Variants in RYR2 observed in about 807,000 individuals in gnomAD.
RYR2 encodes cardiac muscle ryanodine receptor-calcium release channel.
A neutral mutation model predicts 601.1 loss-of-function variants in RYR2; 227 were observed. The observed-to-expected ratio is 0.38, with a 90% CI of 0.34 to 0.42. RYR2 has a LOEUF of 0.42. RYR2 is among the 10% of genes least tolerant of loss of function. RYR2 has a pLI of 1.00. For missense variants in RYR2, 4,646 were observed against 6,156.5 expected, an observed-to-expected ratio of 0.75 and a Z score of 8.21; for synonymous variants, 2,223 against 2,175.1, an observed-to-expected ratio of 1.02 and a Z score of -0.61.
Position 237,225,416 on chromosome 1 carries a change from G to A in RYR2, c.49-45081G>A, listed in dbSNP as rs755586329. Among the ~76,000 whole-genome samples, 7 of 152,242 alleles carry A rather than the reference G, an allele frequency of 4.6e-5. 1 individual carries two copies. Among genetic ancestry groups the A allele is most frequent in the South Asian group, 4.2e-4 (2 of 4,818 alleles). On this transcript the variant is annotated intron_variant, in intron 1 of 104. Transcript: ENST00000366574. ...GGGCGAAAGGCACGTCTTACATGGCGGCAGACAAGAGAGAATGAGGGTGAA... is the reference window on the plus strand; with the variant it reads ...GGGCGAAAGGCACGTCTTACATGGCAGCAGACAAGAGAGAATGAGGGTGAA...
At chr1:237,613,588 G>T (rs1334766137) in intron 36 of RYR2, among the ~76,000 whole-genome samples, 1 of 152,144 alleles carries the variant, frequency 6.6e-6, no homozygotes, top group Non-Finnish European at 1.5e-5. Context: ...GGTGCTAGAT[G>T]AATGTCAAAT....
At chr1:237,636,387 C>G (rs1680873988) in intron 44 of RYR2, among the ~76,000 whole-genome samples, 1 of 152,150 alleles carries the variant, frequency 6.6e-6, no homozygotes, top group Non-Finnish European at 1.5e-5. Flanking sequence ...TCCCCAAATC[C>G]TCCTGACATA....
chr1:237,690,280 G>T (rs1686823974), intron 63 of RYR2, among the ~76,000 whole-genome samples: 1 of 152,140 alleles, frequency 6.6e-6, no homozygotes, highest in Admixed American at 6.5e-5. Flanking sequence ...CTAGTTGTAA[G>T]TCCTATTTTT....
intron 19 of RYR2, among the ~76,000 whole-genome samples, chr1:237,493,507 C>T (rs1348481953): frequency 1.3e-5 from 2 of 152,094 alleles, no homozygotes; most frequent in Non-Finnish European, 2.9e-5. Flanking sequence ...GGCTGGAGTG[C>T]AGTGGCACGA....
intron 1 of RYR2, among the ~76,000 whole-genome samples, chr1:237,131,845 A>G (rs1271141294): frequency 5.3e-5 from 8 of 151,454 alleles, no homozygotes; most frequent in Non-Finnish European, 7.4e-5. Flanking sequence ...CTCAGCCTCC[A>G]GAGTAGCTGG....
chr1:237,493,970 T>G (rs925870884), intron 19 of RYR2, among the ~76,000 whole-genome samples: 2 of 152,262 alleles, frequency 1.3e-5, no homozygotes, highest in Admixed American at 1.3e-4. Context: ...ACCATGATGA[T>G]TCACATTTTA....
intron 47 of RYR2, among the ~76,000 whole-genome samples, chr1:237,642,243 T>A (rs1278394076): frequency 6.6e-6 from 1 of 152,330 alleles, no homozygotes; most frequent in Middle Eastern, 3.4e-3. Flanking sequence ...AGGTTAAAAC[T>A]TCCTTGATGT....
At chr1:237,406,867 A>C (rs1703958157) in intron 10 of RYR2, among the ~76,000 whole-genome samples, 1 of 152,118 alleles carries the variant, frequency 6.6e-6, no homozygotes, top group South Asian at 2.1e-4. Flanking sequence ...CATTATTCTT[A>C]ATTCTCTAAA....
Position 237,262,004 on chromosome 1 carries a change from A to G in RYR2, c.49-8493A>G, listed in dbSNP as rs185150243. On this transcript the variant is annotated intron_variant, in intron 1 of 104. Transcript: ENST00000366574. Reference sequence around the variant, plus strand: ...GGATCTTTTGTTTATTAGGCAATTTAGCTCTTATAATATTTCCTAGCATGT... The same window carrying G: ...GGATCTTTTGTTTATTAGGCAATTTGGCTCTTATAATATTTCCTAGCATGT... Among the ~76,000 whole-genome samples the G allele has an allele frequency of 1.8e-4, 27 of 152,182 alleles. No individual in the cohort carries two copies. The East Asian group carries it at 3.9e-3, about 22-fold the overall frequency.
rs1663794964 is a variant in RYR2, at chr1:237,831,572, A to G, written c.14808+7A>G. 4.0e-6 allele frequency: 6 copies of G among 1,500,628 alleles called. No homozygotes were observed. The highest frequency in any genetic ancestry group is 5.5e-6 in the Non-Finnish European group (6 of 1,086,392). 93.0% of individuals were successfully genotyped at this position (1,500,628 alleles called of 1,614,324 possible). On this transcript the variant is annotated splice_region_variant and intron_variant, in intron 104 of 104. Transcript: ENST00000366574. ...AACAGAACACACAGGACAGGTAGGTAAATTATTACATGTCATCTTCTGAAA... is the reference window on the plus strand; with the variant it reads ...AACAGAACACACAGGACAGGTAGGTGAATTATTACATGTCATCTTCTGAAA...
chr1:237,785,002 C>T (rs1307642236), intron 90 of RYR2, 30 bp downstream of exon 90: 17 of 1,439,704 alleles, frequency 1.2e-5, no homozygotes, highest in Non-Finnish European at 1.5e-5. Context: ...CAGCAGCATT[C>T]TCTCTGGACT....
intron 81 of RYR2, among the ~76,000 whole-genome samples, chr1:237,757,017 A>G (rs779805311): frequency 2.0e-5 from 3 of 152,240 alleles, no homozygotes; most frequent in Non-Finnish European, 2.9e-5. Flanking sequence ...TTGTACATTC[A>G]TAATAGCTTC....
chr1:237,435,021 C>T (rs1200094800), intron 12 of RYR2, among the ~76,000 whole-genome samples: 1 of 152,166 alleles, frequency 6.6e-6, no homozygotes, highest in Non-Finnish European at 1.5e-5. Context: ...AGTGATCTGC[C>T]TGCCTCGGCC....
chr1:237,585,114 A>G (rs1039570342), intron 29 of RYR2, among the ~76,000 whole-genome samples: 5 of 152,160 alleles, frequency 3.3e-5, no homozygotes, highest in South Asian at 2.1e-4. Flanking sequence ...CTTTTGCACT[A>G]TAGCTCAGAG....
At chr1:237,514,067 G>A (rs1246998677) in intron 24 of RYR2, among the ~76,000 whole-genome samples, 2 of 152,198 alleles carry the variant, frequency 1.3e-5, no homozygotes, top group Admixed American at 1.3e-4. Context: ...TCCTGAGTAC[G>A]TGGATTCAGC....
chr1:237,321,029 A>T (rs1395282319), intron 2 of RYR2, among the ~76,000 whole-genome samples: 1 of 151,856 alleles, frequency 6.6e-6, no homozygotes, highest in Non-Finnish European at 1.5e-5. Flanking sequence ...AAAAGAAAAC[A>T]ACTGGGAGGC....
Position 237,100,908 on chromosome 1 carries a change from C to T in RYR2, c.48+58339C>T, listed in dbSNP as rs573958977. On this transcript the variant is annotated intron_variant, in intron 1 of 104. Transcript: ENST00000366574. Reference sequence around the variant, plus strand: ...GTCTCTTTCATCCCATCTGTCCCGGCCCCAGAGCCTGTCCAGTCTGGTCCT... The same window carrying T: ...GTCTCTTTCATCCCATCTGTCCCGGTCCCAGAGCCTGTCCAGTCTGGTCCT... 5.9e-5 allele frequency among the ~76,000 whole-genome samples: 9 copies of T among 152,204 alleles called. No individual in the cohort carries two copies. In the South Asian group the frequency reaches 1.7e-3, roughly 28 times the overall value.
At chr1:237,587,210 G>C (rs1674623216) in intron 29 of RYR2, among the ~76,000 whole-genome samples, 1 of 152,088 alleles carries the variant, frequency 6.6e-6, no homozygotes, top group Non-Finnish European at 1.5e-5. Flanking sequence ...TCTTATACTA[G>C]TTTAAGTTGA....
At chr1:237,480,217 G>C (rs1267912464) in intron 17 of RYR2, among the ~76,000 whole-genome samples, 5 of 151,882 alleles carry the variant, frequency 3.3e-5, no homozygotes, top group African/African-American at 1.2e-4. Context: ...TCAGGAGTTT[G>C]AGACCGTCCT....
Sources: allele counts gnomAD v4.1 joint callset (sites outside exome capture counted in the v4.1 genomes callset), GRCh38; gene constraint gnomAD v4.1.1; transcripts MANE v1.5; gene names NCBI Gene and HGNC (gene_info 2026-07-23, HGNC 2026-07-21).